The following ZCCHC7 variants were observed in gnomAD, a reference collection of about 807,000 sequenced individuals.
ZCCHC7 encodes zinc finger CCHC domain-containing protein 7.
ZCCHC7 carries 35 observed loss-of-function variants against 52.0 expected under a neutral mutation model. The ratio of observed to expected loss-of-function variants is 0.67; its 90% CI spans 0.51 to 0.89. The LOEUF (loss-of-function observed/expected upper bound fraction) is 0.89. ZCCHC7 is among the 40% of genes least tolerant of loss of function. The pLI is 0.00. For synonymous variants in ZCCHC7, 217 were observed against 221.5 expected (o/e 0.98, Z 0.18); for missense variants, 574 against 649.1 (o/e 0.88, Z 1.26).
At chr9:37,193,619 T>TA (rs1040569228) in intron 2 of ZCCHC7, among the ~76,000 whole-genome samples, 96 of 147,812 alleles carry the variant, frequency 6.5e-4, no homozygotes, top group Middle Eastern at 3.4e-3. Context: ...AGTAGCCTTT[T>TA]AAAAAAAAAA....
At chr9:37,268,406 A>G (rs977244284) in intron 2 of ZCCHC7, among the ~76,000 whole-genome samples, 35 of 139,428 alleles carry the variant, frequency 2.5e-4, no homozygotes, top group Middle Eastern at 3.6e-3. Flanking sequence ...GTCCTCACAG[A>G]AAAAAAAAAA....
At chr9:37,293,434 T>C (rs1828630418) in intron 2 of ZCCHC7, among the ~76,000 whole-genome samples, 1 of 152,306 alleles carries the variant, frequency 6.6e-6, no homozygotes, top group East Asian at 1.9e-4. Flanking sequence ...GAAACTTTTA[T>C]ACAGCCTTTA....
At chr9:37,330,541 TG>T (rs1830413288) in intron 6 of ZCCHC7, among the ~76,000 whole-genome samples, 1 of 151,458 alleles carries the variant, frequency 6.6e-6, no homozygotes, top group Non-Finnish European at 1.5e-5. Context: ...TTGGAGACCA[TG>T]AAAAAAAGAA....
At chr9:37,210,970 T>C (rs1824184204) in intron 2 of ZCCHC7, among the ~76,000 whole-genome samples, 1 of 152,216 alleles carries the variant, frequency 6.6e-6, no homozygotes, top group Non-Finnish European at 1.5e-5. Flanking sequence ...TAGGGCCTTA[T>C]ACTTAAACAT....
chr9:37,140,478 T>TAAAC (rs1843172965), intron 2 of ZCCHC7, among the ~76,000 whole-genome samples: 2 of 152,032 alleles, frequency 1.3e-5, no homozygotes, highest in Non-Finnish European at 2.9e-5. Context: ...GAAATACTTT[T>TAAAC]AAACATTCAA....
At chr9:37,293,639 C>G (rs1473762608) in intron 2 of ZCCHC7, among the ~76,000 whole-genome samples, 1 of 152,100 alleles carries the variant, frequency 6.6e-6, no homozygotes, top group African/African-American at 2.4e-5. Flanking sequence ...CTTCCATAAT[C>G]TTGTTATATT....
chr9:37,208,595 C>T (rs1824046132), intron 2 of ZCCHC7, among the ~76,000 whole-genome samples: 1 of 152,212 alleles, frequency 6.6e-6, no homozygotes, highest in African/African-American at 2.4e-5. Context: ...TCTAGTAATC[C>T]TGAGCTGCTT....
At chr9:37,154,329 C>T (rs1588390168) in intron 2 of ZCCHC7, among the ~76,000 whole-genome samples, 1 of 152,238 alleles carries the variant, frequency 6.6e-6, no homozygotes, top group Admixed American at 6.5e-5. Flanking sequence ...AACTTAACCA[C>T]CATCTTGCAT....
At chr9:37,232,822 G>A (rs1414594221) in intron 2 of ZCCHC7, among the ~76,000 whole-genome samples, 1 of 152,078 alleles carries the variant, frequency 6.6e-6, no homozygotes, top group Non-Finnish European at 1.5e-5. Flanking sequence ...CTTTCTGTTT[G>A]TTCTTTCGAT....
chr9:37,258,756 T>TAAA (rs1826715624), intron 2 of ZCCHC7, among the ~76,000 whole-genome samples: 1 of 67,780 alleles, frequency 1.5e-5, no homozygotes, highest in African/African-American at 1.0e-4. Flanking sequence ...ATCCTGTCTC[T>TAAA]TAAAAAAAAA....
chr9:37,137,285 T>C (rs1588360607), intron 2 of ZCCHC7, among the ~76,000 whole-genome samples: 1 of 152,186 alleles, frequency 6.6e-6, no homozygotes, highest in East Asian at 1.9e-4. Context: ...AAAAAGTAGA[T>C]AGGCAAAGTA....
chr9:37,260,331 C>T (rs1481943292), intron 2 of ZCCHC7, among the ~76,000 whole-genome samples: 2 of 152,230 alleles, frequency 1.3e-5, no homozygotes, highest in Non-Finnish European at 2.9e-5. Flanking sequence ...GTGTTGTCCA[C>T]GTCTGTCCCA....
At chr9:37,276,702 G>C (rs1827700097) in intron 2 of ZCCHC7, among the ~76,000 whole-genome samples, 1 of 152,106 alleles carries the variant, frequency 6.6e-6, no homozygotes, top group African/African-American at 2.4e-5. Context: ...ATTATCCTAG[G>C]AATTTAGAAG....
intron 6 of ZCCHC7, among the ~76,000 whole-genome samples, chr9:37,340,670 G>C (rs190458874): frequency 6.6e-6 from 1 of 152,206 alleles, no homozygotes; most frequent in East Asian, 1.9e-4. Context: ...CATAAGTATT[G>C]AGTCACAAAT....
intron 2 of ZCCHC7, among the ~76,000 whole-genome samples, chr9:37,241,084 A>C (rs1449474327): frequency 6.6e-6 from 1 of 151,822 alleles, no homozygotes; most frequent in African/African-American, 2.4e-5. Flanking sequence ...ATTGATATAC[A>C]CAATAAGTGT....
At chr9:37,286,352 T>C (rs1247458712) in intron 2 of ZCCHC7, among the ~76,000 whole-genome samples, 5 of 152,144 alleles carry the variant, frequency 3.3e-5, no homozygotes, top group Non-Finnish European at 7.4e-5. Context: ...CTTTATAAGA[T>C]TGTTATGAGA....
intron 1 of ZCCHC7, among the ~76,000 whole-genome samples, 172 bp from the exon 2 acceptor site, chr9:37,126,140 G>T (rs1192878955): frequency 6.6e-6 from 1 of 152,164 alleles, no homozygotes; most frequent in Non-Finnish European, 1.5e-5. Context: ...GGACTTACAG[G>T]AGTGGGTCCT....
intron 2 of ZCCHC7, among the ~76,000 whole-genome samples, chr9:37,207,641 CA>C (rs1263437633): frequency 1.2e-4 from 17 of 146,178 alleles, no homozygotes; most frequent in South Asian, 4.3e-4. Context: ...CTGTTTAAAA[CA>C]AAAAAAAAAT....
intron 8 of ZCCHC7, 104 bp from the exon 9 acceptor site, chr9:37,356,730 GT>G: frequency 9.2e-7 from 1 of 1,086,184 alleles, no homozygotes; most frequent in Non-Finnish European, 1.3e-6. Context: ...CTGTTAACAT[GT>G]TTAAATATCT....
Sources: gnomAD v4.1 joint callset for allele counts (sites outside exome capture counted in the v4.1 genomes callset) on GRCh38, gnomAD v4.1.1 for gene constraint, MANE v1.5 for transcripts, NCBI Gene and HGNC (gene_info 2026-07-23, HGNC 2026-07-21) for gene names.